The following POGZ variants were observed in gnomAD, a reference collection of about 807,000 sequenced individuals.
The protein encoded by POGZ is pogo transposable element with ZNF domain.
In POGZ, 17 loss-of-function variants were observed where a neutral mutation model predicts 134.6. That is an observed-to-expected ratio of 0.13 (90% CI 0.09 to 0.19). The LOEUF (loss-of-function observed/expected upper bound fraction) is 0.19, where lower values mean the gene tolerates loss of function less well. Ranked by LOEUF, POGZ falls within the 10% of genes least tolerant of loss-of-function variation. The pLI is 1.00. For synonymous variants in POGZ, 693 were observed against 657.1 expected, an observed-to-expected ratio of 1.05 and a Z score of -0.84; for missense variants, 1,306 against 1,769.7, an observed-to-expected ratio of 0.74 and a Z score of 4.70.
rs1656085952 is a variant in POGZ at position 151,418,015 on chromosome 1, C to T, written c.1678+5382G>A. On this transcript the variant is annotated intron_variant, in intron 10 of 18. Coordinates refer to ENST00000271715, the MANE Select transcript of POGZ (RefSeq NM_015100.4). ...GGCTCATGAGGTCAGGAGTTTGAGA[C>T]CAGCCTGACCAACATGGTAAAACCC... 2.0e-5 allele frequency among the ~76,000 whole-genome samples: 3 copies of T among 151,920 alleles called. No individual in the cohort carries two copies. In the South Asian group the frequency reaches 6.2e-4, roughly 32 times the overall value.
Position 151,405,826 on chromosome 1 carries a change from T to G in POGZ, c.3209A>C (p.Glu1070Ala), listed in dbSNP as rs1196082427. 1 of 1,614,030 alleles carries G rather than the reference T, an allele frequency of 6.2e-7. No homozygotes were observed. The highest frequency in any genetic ancestry group is 1.3e-5 in the African/African-American group (1 of 74,898). The change falls in exon 19 of 19, where the codon GAG becomes GCG. Residue 1070 changes from glutamate to alanine, a missense_variant. Glu to Ala is a moderately radical substitution (Grantham distance 107, BLOSUM62 -1). Transcript: ENST00000271715. This position sits in a 1 kb window ranked among gnomAD's most constrained non-coding sequence, Gnocchi z 4.9. Reference protein sequence around the residue: ...SLEGGFKISYEWAVRFMLRHH... With the variant: ...SLEGGFKISYAWAVRFMLRHH... ...CCGCAGCATGAAACGCACAGCCCAC[T>G]CATAGGAGATCTTAAACCCCCCTTC... is the stretch of plus-strand genomic sequence containing the variant.
intron 5 of POGZ, 133 bp from the exon 6 acceptor site, chr1:151,428,546 T>A: frequency 1.3e-6 from 1 of 789,076 alleles, no homozygotes; most frequent in South Asian, 1.7e-5. Context: ...GGAGTATAGA[T>A]TCTAAAGACT....
chr1:151,422,877 C>G (rs1571424215), intron 10 of POGZ, among the ~76,000 whole-genome samples: 1 of 152,160 alleles, frequency 6.6e-6, no homozygotes, highest in Admixed American at 6.5e-5. Flanking sequence ...CAGGCGTGAG[C>G]CACCGTGCCC....
At position 151,459,377 on chromosome 1, in the gene POGZ, G is replaced by A. The variant is rs912822560; in HGVS notation, c.-227C>T. ...GGATTTTTTTCCCGAGGGGGGCGGG[G>A]GGGCCCCGAGGGAGGGGGGTGGGGG... On this transcript the variant is annotated 5_prime_UTR_variant, in exon 1 of 19. Transcript: ENST00000271715. The A allele has an allele frequency of 6.7e-6, 1 of 150,274 alleles. No individual in the cohort carries two copies. Among genetic ancestry groups the A allele is most frequent in the African/African-American group, 2.4e-5 (1 of 41,036 alleles). 9.3% of individuals were successfully genotyped at this position (150,274 alleles called of 1,614,324 possible). A position where few individuals can be genotyped will look rare whatever the true frequency, so the allele number is the denominator to read the frequency against.
Position 151,432,795 on chromosome 1 carries a change from T to C in POGZ, c.284-1954A>G, listed in dbSNP as rs137896510. ...ACTTCAAAAAAAGATAAAAGAATCA[T>C]ACCAACATAACTCCTGAACATTATA... On this transcript the variant is annotated intron_variant, in intron 3 of 18. Coordinates refer to ENST00000271715, the MANE Select transcript of POGZ (RefSeq NM_015100.4). 4.4e-4 allele frequency among the ~76,000 whole-genome samples: 67 copies of C among 152,308 alleles called. No homozygotes were observed. In the East Asian group the frequency reaches 8.9e-3, roughly 20 times the overall value.
chr1:151,453,553 CAT>C (rs1368382023), intron 1 of POGZ, among the ~76,000 whole-genome samples: 2 of 152,172 alleles, frequency 1.3e-5, no homozygotes, highest in African/African-American at 4.8e-5. Flanking sequence ...CAAGGAGGTA[CAT>C]TACTTTCTTC....
intron 10 of POGZ, among the ~76,000 whole-genome samples, chr1:151,417,619 C>T (rs1372843667): frequency 6.6e-6 from 1 of 151,784 alleles, no homozygotes; most frequent in Non-Finnish European, 1.5e-5. Context: ...GCCTCAGCCT[C>T]CCAAAGTGCT....
intron 1 of POGZ, 137 bp downstream of exon 1, chr1:151,459,015 C>A (rs1032941381): frequency 5.5e-5 from 8 of 146,120 alleles, no homozygotes; most frequent in East Asian, 2.0e-4. Context: ...CACCGCCGGC[C>A]CCCCGCCCCC....
chr1:151,438,506 T>C (rs1284051919), intron 3 of POGZ, among the ~76,000 whole-genome samples: 1 of 152,170 alleles, frequency 6.6e-6, no homozygotes, highest in Admixed American at 6.5e-5. Context: ...ATTAGTACAC[T>C]GGCCATAGGC....
intron 1 of POGZ, among the ~76,000 whole-genome samples, chr1:151,452,217 TA>T (rs1662203253): frequency 6.6e-6 from 1 of 151,690 alleles, no homozygotes; most frequent in South Asian, 2.1e-4. Flanking sequence ...CCGATCCCTC[TA>T]AAAAATTTTT....
intron 3 of POGZ, among the ~76,000 whole-genome samples, chr1:151,435,961 T>TC (rs1486857746): frequency 1.3e-5 from 2 of 149,436 alleles, no homozygotes; most frequent in Non-Finnish European, 3.0e-5. Flanking sequence ...TTCTTTTCTT[T>TC]TTTTTTTTTT....
intron 1 of POGZ, among the ~76,000 whole-genome samples, chr1:151,449,705 G>A (rs985410020): frequency 6.6e-6 from 1 of 152,072 alleles, no homozygotes; most frequent in Non-Finnish European, 1.5e-5. Context: ...GACCATCCTG[G>A]CTAACACGGT....
chr1:151,407,640 A>T (rs1006152892), intron 15 of POGZ, among the ~76,000 whole-genome samples: 1 of 152,186 alleles, frequency 6.6e-6, no homozygotes, highest in Non-Finnish European at 1.5e-5. Flanking sequence ...CTGCTAGGAG[A>T]GAAGAACAAA....
intron 10 of POGZ, among the ~76,000 whole-genome samples, chr1:151,417,933 A>G (rs1048242184): frequency 5.3e-5 from 8 of 152,232 alleles, no homozygotes; most frequent in African/African-American, 1.7e-4. Context: ...TATAGAATCA[A>G]CCTAAGTGCC....
intron 10 of POGZ, among the ~76,000 whole-genome samples, chr1:151,420,121 G>A (rs12047617): frequency 0.64 from 97,543 of 151,838 alleles, 34,837 homozygotes; most frequent in Non-Finnish European, 0.82. Flanking sequence ...CCAGGGGTTC[G>A]AGGCTGCAGT....
Position 151,406,171 on chromosome 1 carries a change from G to A in POGZ, c.2864C>T (p.Pro955Leu). The change falls in exon 19 of 19, where the codon CCT becomes CTT. Residue 955 changes from proline to leucine, a missense_variant. By Grantham distance (98) the Pro-to-Leu change is moderately conservative (BLOSUM62 -3). Around this residue, in one of 10 missense-constraint regions of POGZ, gnomAD observed 214 missense variants for 255.5 expected, o/e 0.84. Transcript: ENST00000271715. ...QDEGSPVTQE[P>L]ELASGGGGSG... ...ACCACCACCACCTGATGCTAGCTCA[G>A]GTTCTTGGGTGACTGGGCTCCCTTC... 6.2e-7 allele frequency: 1 copy of A among 1,614,134 alleles called. No homozygotes were observed. The highest frequency in any genetic ancestry group is 8.5e-7 in the Non-Finnish European group (1 of 1,180,030).
In POGZ at chr1:151,406,200, C is replaced by G. The variant is rs764059117; in HGVS notation, c.2835G>C (p.Gln945His). 7 of 1,614,096 alleles carry G rather than the reference C, an allele frequency of 4.3e-6. No individual in the cohort carries two copies. Among genetic ancestry groups the G allele is most frequent in the Non-Finnish European group, 5.9e-6 (7 of 1,180,038 alleles). Residue 945 changes from glutamine (Q) to histidine (H), a missense_variant, in exon 19 of 19, where the codon CAG becomes CAC. Coordinates refer to ENST00000271715, the MANE Select transcript of POGZ (RefSeq NM_015100.4). ...EGAECLNVDD[Q>H]DEGSPVTQEP... Reference sequence around the variant, plus strand: ...CTTGGGTGACTGGGCTCCCTTCATCCTGATCATCAACATTCAGACATTCGG... The same window carrying G: ...CTTGGGTGACTGGGCTCCCTTCATCGTGATCATCAACATTCAGACATTCGG...
chr1:151,457,441 AATTGT>A (rs779622655), intron 1 of POGZ, among the ~76,000 whole-genome samples: 1 of 152,194 alleles, frequency 6.6e-6, no homozygotes, highest in Non-Finnish European at 1.5e-5. Flanking sequence ...AGGCCCCCCA[AATTGT>A]ACGTTTAACC....
Position 151,405,489 on chromosome 1 carries a change from C to G in POGZ, c.3546G>C (p.Gln1182His). ...TLVFYRGQMD[Q>H]PANMPDSILL... ...ATATGGAGTCTGGCATGTTAGCAGG[C>G]TGATCCATCTGCCCTCTGTAGAAAA... The change falls in exon 19 of 19, where the codon CAG becomes CAC. Residue 1182 changes from glutamine (Q) to histidine (H), a missense_variant. Physicochemically the swap from Gln to His is conservative, Grantham distance 24. Transcript: ENST00000271715. The surrounding 1 kb of genome is among the most constrained non-coding windows in gnomAD (Gnocchi z 4.9). The G allele has an allele frequency of 6.2e-7, 1 of 1,614,244 alleles. No homozygotes were observed. Among genetic ancestry groups the G allele is most frequent in the South Asian group, 1.1e-5 (1 of 91,088 alleles).
Sources: gnomAD v4.1 joint callset for allele counts (sites outside exome capture counted in the v4.1 genomes callset) on GRCh38, gnomAD v4.1.1 for gene constraint, gnomAD v4.1.1 regional missense constraint, Gnocchi (gnomAD v3.1) non-coding constraint, MANE v1.5 for transcripts, NCBI Gene and HGNC (gene_info 2026-07-23, HGNC 2026-07-21) for gene names.